The following NUDC variants were observed in gnomAD, a reference collection of about 807,000 sequenced individuals.
NUDC encodes the protein nuclear distribution C, dynein complex regulator.
In NUDC, 14 loss-of-function variants were observed where a neutral mutation model predicts 45.0. The observed-to-expected ratio is 0.31, with a 90% CI of 0.21 to 0.49. The LOEUF is 0.49. Ranked by LOEUF, NUDC falls within the 20% of genes least tolerant of loss-of-function variation. The pLI, the probability that NUDC is intolerant of heterozygous loss-of-function variation, is 0.99. For synonymous variants in NUDC, 153 were observed against 156.7 expected, an observed-to-expected ratio of 0.98 and a Z score of 0.17; for missense variants, 323 against 426.2, an observed-to-expected ratio of 0.76 and a Z score of 2.13.
At chr1:26,903,669 A>T (rs1013535347) in intron 2 of NUDC, among the ~76,000 whole-genome samples, 1 of 152,010 alleles carries the variant, frequency 6.6e-6, no homozygotes, top group African/African-American at 2.4e-5. Flanking sequence ...GGAGTTGGAG[A>T]CCAGCCTGGG....
At chr1:26,905,157 A>ATTTTTTTTTT (rs71007901) in intron 2 of NUDC, among the ~76,000 whole-genome samples, 1 of 84,298 alleles carries the variant, frequency 1.2e-5, no homozygotes, top group African/African-American at 4.1e-5. Flanking sequence ...TATTATTATT[A>ATTTTTTTTTT]TTTTTTTTTT....
intron 1 of NUDC, chr1:26,922,406 C>G (rs552404581): frequency 1.2e-4 from 24 of 198,764 alleles, no homozygotes; most frequent in Admixed American, 6.6e-4. Context: ...CACCTACCAA[C>G]TTGGAACCTT....
chr1:26,913,310 A>C, intron 3 of NUDC: 1 of 1,050,776 alleles, frequency 9.5e-7, no homozygotes, highest in African/African-American at 1.6e-5. Flanking sequence ...GAAAATGAGG[A>C]CCCAATGAGA....
At chr1:26,904,853 T>A (rs2081995814) in intron 2 of NUDC, among the ~76,000 whole-genome samples, 1 of 121,476 alleles carries the variant, frequency 8.2e-6, no homozygotes, top group Admixed American at 8.1e-5. Flanking sequence ...TATTATATAA[T>A]TTTTTTTTTT....
At chr1:26,905,965 G>A (rs970159376) in intron 2 of NUDC, among the ~76,000 whole-genome samples, 11 of 152,066 alleles carry the variant, frequency 7.2e-5, no homozygotes, top group African/African-American at 2.7e-4. Context: ...TGGCTAACAT[G>A]GTGAAACCCC....
rs749452822 is a variant in NUDC at position 26,945,509 on chromosome 1, AG to A, written c.825+38del. On this transcript the variant is annotated intron_variant, in intron 7 of 8. Coordinates refer to ENST00000321265, the MANE Select transcript of NUDC (RefSeq NM_006600.4). The stretch of plus-strand genomic sequence containing the variant: ...GCTGGTTGGGGGAGCTTCAGCAGGA[AG>A]GTGAGGGGCCTCGTTGTTTCCAGAG... 63 of 1,611,758 alleles carry A rather than the reference AG, an allele frequency of 3.9e-5. No homozygotes were observed. In the African/African-American group the frequency reaches 7.5e-4, roughly 19 times the overall value.
At position 26,908,071 on chromosome 1, in the gene NUDC, T is replaced by C. The variant is rs141920989; in HGVS notation, c.-15-3057T>C. On this transcript the variant is annotated intron_variant, in intron 2 of 6. Coordinates refer to the NUDC transcript ENST00000435827. ...GTGGGTGCCTGTAATCCCAGCTACT[T>C]GGGAGGCTGAAGCAACGGAATTGCT... Among the ~76,000 whole-genome samples, 257 of 151,974 alleles carry C rather than the reference T, an allele frequency of 1.7e-3. 1 individual carries two copies. The highest frequency in any genetic ancestry group is 5.4e-3 in the African/African-American group (224 of 41,430).
At chr1:26,922,139 G>C (rs1217176972) in intron 1 of NUDC, 1 of 598,780 alleles carries the variant, frequency 1.7e-6, no homozygotes, top group Non-Finnish European at 3.0e-6. Context: ...CCCCTCAGTA[G>C]TAGCAAATTA....
chr1:26,900,415 C>T (rs763665932), intron 1 of NUDC: 6 of 1,610,672 alleles, frequency 3.7e-6, no homozygotes, highest in Non-Finnish European at 5.1e-6. Flanking sequence ...ACTGTCGCCT[C>T]CTCCTCCGCC....
intron 3 of NUDC, chr1:26,913,903 C>T (rs2082046328): frequency 6.7e-7 from 1 of 1,484,500 alleles, no homozygotes; most frequent in Non-Finnish European, 9.0e-7. Context: ...GCTTGCAGCT[C>T]CCTGGCATGG....
chr1:26,930,472 T>C (rs1314060183), intron 2 of NUDC, among the ~76,000 whole-genome samples: 4 of 152,152 alleles, frequency 2.6e-5, no homozygotes, highest in Admixed American at 2.0e-4. Flanking sequence ...TAAAAAAATA[T>C]GGGCTGAGAT....
At chr1:26,913,419 G>A (rs747522759) in intron 3 of NUDC, 2 of 1,614,134 alleles carry the variant, frequency 1.2e-6, no homozygotes, top group Non-Finnish European at 8.5e-7. Context: ...CGGGGTTGAA[G>A]AGGATGGTCC....
intron 3 of NUDC, among the ~76,000 whole-genome samples, chr1:26,912,394 A>G (rs1459348121): frequency 6.6e-6 from 1 of 152,120 alleles, no homozygotes; most frequent in Non-Finnish European, 1.5e-5. Context: ...TCTGGGCTTC[A>G]GTTTCTTTAT....
chr1:26,919,472 C>G (rs138913701), upstream of NUDC, among the ~76,000 whole-genome samples: 17 of 152,330 alleles, frequency 1.1e-4, no homozygotes, highest in Non-Finnish European at 1.8e-4. Context: ...GGATCTGCTT[C>G]TTGTTCCACA....
intron 3 of NUDC, chr1:26,912,223 T>G (rs2082032471): frequency 1.9e-5 from 17 of 909,122 alleles, no homozygotes; most frequent in Middle Eastern, 3.4e-4. Flanking sequence ...CACTACTACC[T>G]CCTCCTTTAG....
At chr1:26,914,301 C>T (rs974514944) in intron 3 of NUDC, among the ~76,000 whole-genome samples, 31 of 152,192 alleles carry the variant, frequency 2.0e-4, no homozygotes, top group African/African-American at 6.8e-4. Flanking sequence ...GCACAATCAG[C>T]AGGTGTCCCC....
intron 3 of NUDC, among the ~76,000 whole-genome samples, chr1:26,915,164 T>G (rs1355056577): frequency 2.0e-5 from 3 of 151,738 alleles, no homozygotes; most frequent in African/African-American, 7.3e-5. Context: ...TAAGGCTAGA[T>G]TCTTACTTTA....
intron 2 of NUDC, among the ~76,000 whole-genome samples, chr1:26,933,661 G>A (rs2082201870): frequency 6.6e-6 from 1 of 151,464 alleles, no homozygotes; most frequent in African/African-American, 2.4e-5. Flanking sequence ...TGATCCACCC[G>A]CCTCGGCCTC....
intron 2 of NUDC, among the ~76,000 whole-genome samples, chr1:26,927,103 G>A (rs537234673): frequency 6.6e-6 from 1 of 152,152 alleles, no homozygotes; most frequent in African/African-American, 2.4e-5. Flanking sequence ...ACTAACCTAG[G>A]TTGGGGGCTC....
Sources: allele counts gnomAD v4.1 joint callset (sites outside exome capture counted in the v4.1 genomes callset), GRCh38; gene constraint gnomAD v4.1.1; transcripts MANE v1.5; gene names NCBI Gene and HGNC (gene_info 2026-07-23, HGNC 2026-07-21).